The following PDE10A variants were observed in gnomAD, a reference collection of about 807,000 sequenced individuals.
PDE10A encodes phosphodiesterase 10A.
A neutral mutation model predicts 97.7 loss-of-function variants in PDE10A; 39 were observed. That is an observed-to-expected ratio of 0.40 (90% CI 0.31 to 0.52). The LOEUF is 0.52. Ranked by LOEUF, PDE10A falls within the 20% of genes least tolerant of loss-of-function variation. PDE10A has a pLI of 0.56. For synonymous variants in PDE10A, 371 were observed against 376.8 expected (o/e 0.98, Z 0.18); for missense variants, 731 against 1,047.8 (o/e 0.70, Z 4.17).
Position 165,865,552 on chromosome 6 carries a change from T to A in PDE10A, c.-615+121977A>T, listed in dbSNP as rs138350131. On this transcript the variant is annotated intron_variant, in intron 1 of 19. Coordinates refer to the PDE10A transcript ENST00000366882. Reference sequence around the variant, plus strand: ...CACAAAGAAGCCAAAAACCAAATCATGATCTGAATTAGAAATTCAACAAAG... The same window carrying A: ...CACAAAGAAGCCAAAAACCAAATCAAGATCTGAATTAGAAATTCAACAAAG... 3.9e-3 allele frequency among the ~76,000 whole-genome samples: 587 copies of A among 152,154 alleles called. 2 individuals carry two copies. The highest frequency in any genetic ancestry group is 7.0e-3 in the Non-Finnish European group (476 of 67,976).
intron 1 of PDE10A, among the ~76,000 whole-genome samples, chr6:165,923,152 C>T (rs1782803362): frequency 6.6e-6 from 1 of 152,160 alleles, no homozygotes; most frequent in African/African-American, 2.4e-5. Flanking sequence ...CAAAAATGGC[C>T]TTCGCTCCTA....
chr6:165,370,749 T>C (rs1784178857), intron 18 of PDE10A, among the ~76,000 whole-genome samples: 2 of 147,506 alleles, frequency 1.4e-5, no homozygotes, highest in East Asian at 4.0e-4. Context: ...TCTACAGAAC[T>C]CTCCACCCCA....
chr6:165,819,055 A>C lies in PDE10A; in HGVS notation c.-615+168474T>G, dbSNP rs1168751264. 6.6e-6 allele frequency among the ~76,000 whole-genome samples: 1 copy of C among 152,202 alleles called. No individual in the cohort carries two copies. Among genetic ancestry groups the C allele is most frequent in the East Asian group, 1.9e-4 (1 of 5,190 alleles). ...GTACCTTTCATTCTGTACATTTATG[A>C]AGCCTCCGTCTAAGCTTGAGTCCTG... is the stretch of plus-strand genomic sequence containing the variant. On this transcript the variant is annotated intron_variant, in intron 1 of 19. Transcript: ENST00000366882. This position sits in a 1 kb window ranked among gnomAD's most constrained non-coding sequence, Gnocchi z 4.2.
intron 1 of PDE10A, among the ~76,000 whole-genome samples, chr6:165,736,591 A>G (rs1295843825): frequency 6.6e-6 from 1 of 152,180 alleles, no homozygotes; most frequent in Non-Finnish European, 1.5e-5. Flanking sequence ...CAAAAGGAAA[A>G]TTTTAAAAAT....
At chr6:165,531,500 T>C (rs1471323390) in intron 2 of PDE10A, among the ~76,000 whole-genome samples, 2 of 152,136 alleles carry the variant, frequency 1.3e-5, no homozygotes, top group African/African-American at 2.4e-5. Context: ...TAATGGAGCA[T>C]TCATAAATGT....
intron 1 of PDE10A, among the ~76,000 whole-genome samples, chr6:165,578,382 C>T (rs1785430649): frequency 6.6e-6 from 1 of 152,108 alleles, no homozygotes; most frequent in Admixed American, 6.5e-5. Context: ...TTACAGATTC[C>T]CTTTTGTAAA....
Position 165,673,351 on chromosome 6 carries a change from G to A in PDE10A, c.-614-129783C>T, listed in dbSNP as rs145253659. 2.5e-3 allele frequency among the ~76,000 whole-genome samples: 379 copies of A among 152,298 alleles called. 5 individuals are homozygous for A. Among genetic ancestry groups the A allele is most frequent in the Non-Finnish European group, 1.0e-3 (71 of 68,036 alleles). On this transcript the variant is annotated intron_variant, in intron 1 of 19. Coordinates refer to the PDE10A transcript ENST00000366882. ...CAGGAGTCCATAGCCCCACTCTGAC[G>A]TACACTATTCCAAAGTGAGAAAAGC...
chr6:165,488,149 G>A (rs1262828296), intron 2 of PDE10A, among the ~76,000 whole-genome samples: 1 of 151,940 alleles, frequency 6.6e-6, no homozygotes, highest in East Asian at 1.9e-4. Context: ...TGTGTGCCAG[G>A]AACTTATCTC....
At chr6:165,518,132 C>T (rs897792841) in intron 2 of PDE10A, among the ~76,000 whole-genome samples, 2 of 152,176 alleles carry the variant, frequency 1.3e-5, no homozygotes, top group African/African-American at 4.8e-5. Flanking sequence ...CTAGAAAACA[C>T]TGACTTCTAA....
chr6:165,902,501 C>G (rs1782141386), intron 1 of PDE10A, among the ~76,000 whole-genome samples: 1 of 152,176 alleles, frequency 6.6e-6, no homozygotes. Flanking sequence ...TTTTCTCTTG[C>G]TTGATATGGT....
Position 165,329,604 on chromosome 6 carries a change from A to G in PDE10A, c.*3421T>C, listed in dbSNP as rs559430682. 10 of 152,354 alleles carry G rather than the reference A, an allele frequency of 6.6e-5. No homozygotes were observed. The highest frequency in any genetic ancestry group is 1.9e-4 in the African/African-American group (8 of 41,596). 9.4% of individuals were successfully genotyped at this position (152,354 alleles called of 1,614,324 possible). ...ATTTATGCATCTATTTATATCCTGT[A>G]CAATACAGGATTTGTCTCGCATACA... On this transcript the variant is annotated 3_prime_UTR_variant, in exon 22 of 22. Transcript: ENST00000539869.
intron 17 of PDE10A, among the ~76,000 whole-genome samples, chr6:165,380,492 T>C (rs1784865534): frequency 6.6e-6 from 1 of 152,240 alleles, no homozygotes; most frequent in Non-Finnish European, 1.5e-5. Flanking sequence ...TGAATTATTG[T>C]ATGATAAATG....
chr6:165,525,808 T>A (rs2128311319), intron 2 of PDE10A, among the ~76,000 whole-genome samples: 1 of 152,278 alleles, frequency 6.6e-6, no homozygotes, highest in East Asian at 1.9e-4. Context: ...GCAATCAGAA[T>A]ATTCTTACTC....
intron 1 of PDE10A, among the ~76,000 whole-genome samples, chr6:165,797,321 T>C (rs971067660): frequency 6.6e-6 from 1 of 152,242 alleles, no homozygotes; most frequent in African/African-American, 2.4e-5. Context: ...TAGAATCCAC[T>C]GGTAATCCTT....
At chr6:165,954,409 T>C (rs1186282301) in intron 1 of PDE10A, among the ~76,000 whole-genome samples, 1 of 152,216 alleles carries the variant, frequency 6.6e-6, no homozygotes, top group East Asian at 1.9e-4. Context: ...CACACTCACA[T>C]GGACACTTGG....
intron 2 of PDE10A, among the ~76,000 whole-genome samples, chr6:165,494,210 A>G (rs1217644872): frequency 6.6e-6 from 1 of 152,102 alleles, no homozygotes; most frequent in Non-Finnish European, 1.5e-5. Context: ...ATACTCTTAC[A>G]CTGTTGGTGG....
intron 1 of PDE10A, among the ~76,000 whole-genome samples, chr6:165,668,828 T>C: frequency 6.8e-6 from 1 of 147,038 alleles, no homozygotes; most frequent in East Asian, 2.1e-4. Context: ...GGAGGGAGGG[T>C]TCTTTCACAT....
intron 2 of PDE10A, among the ~76,000 whole-genome samples, chr6:165,505,394 C>G (rs1010075411): frequency 2.0e-5 from 3 of 152,066 alleles, no homozygotes; most frequent in Non-Finnish European, 4.4e-5. Context: ...TTTCTTATAA[C>G]AAGAAACATA....
At chr6:165,846,904 T>C (rs1780434869) in intron 1 of PDE10A, among the ~76,000 whole-genome samples, 1 of 152,204 alleles carries the variant, frequency 6.6e-6, no homozygotes, top group African/African-American at 2.4e-5. Flanking sequence ...GTATTCCTTT[T>C]AGGTGCCGTA....
Sources: allele counts gnomAD v4.1 joint callset (sites outside exome capture counted in the v4.1 genomes callset), GRCh38; gene constraint gnomAD v4.1.1; non-coding constraint Gnocchi (gnomAD v3.1); transcripts MANE v1.5; gene names NCBI Gene and HGNC (gene_info 2026-07-23, HGNC 2026-07-21).